The following MCM8 variants were observed in gnomAD, a reference collection of about 807,000 sequenced individuals.
MCM8 encodes the protein minichromosome maintenance 8 homologous recombination repair factor.
Under a neutral mutation model 98.9 loss-of-function variants are expected in MCM8, and 85 were observed. The observed-to-expected ratio is 0.86, with a 90% confidence interval of 0.72 to 1.03. The LOEUF is 1.03. Ranked by LOEUF, MCM8 falls within the 50% of genes least tolerant of loss-of-function variation. The pLI is 0.00. For synonymous variants in MCM8, 352 were observed against 338.6 expected (o/e 1.04, Z -0.44); for missense variants, 951 against 997.8 (o/e 0.95, Z 0.63).
rs1370584263 is a variant in MCM8 at position 5,997,804 on chromosome 20, G to GTTGCCCAA, written c.*3414_*3421dup. On this transcript the variant is annotated 3_prime_UTR_variant, in exon 19 of 19. Coordinates refer to ENST00000610722, the MANE Select transcript of MCM8 (RefSeq NM_032485.6). ...TTTAGTAGAGATGAGGTCTTCCTTT[G>GTTGCCCAA]TTGCCCAAGCTGGTCTCAAACTCCA... The GTTGCCCAA allele has an allele frequency of 2.6e-5, 4 of 152,090 alleles. No homozygotes were observed. Among genetic ancestry groups the GTTGCCCAA allele is most frequent in the Non-Finnish European group, 4.4e-5 (3 of 68,040 alleles). The allele number at this position is 152,090 out of a possible 1,614,324, so 9.4% of individuals were successfully genotyped here.
At chr20:5,975,690 G>GT (rs1750638066) in intron 12 of MCM8, among the ~76,000 whole-genome samples, 1 of 151,444 alleles carries the variant, frequency 6.6e-6, no homozygotes, top group African/African-American at 2.4e-5. Context: ...TAGAGACGGG[G>GT]TTTCACCATG....
At chr20:5,982,097 T>C (rs2089640656) in intron 13 of MCM8, among the ~76,000 whole-genome samples, 1 of 152,140 alleles carries the variant, frequency 6.6e-6, no homozygotes, top group African/African-American at 2.4e-5. Flanking sequence ...GAAGAAAATC[T>C]GTTGAAATAA....
chr20:5,958,596 C>T lies in MCM8; in HGVS notation c.659C>T (p.Ala220Val). 6.2e-7 allele frequency: 1 copy of T among 1,614,108 alleles called. No individual in the cohort carries two copies. The highest frequency in any genetic ancestry group is 1.1e-5 in the South Asian group (1 of 91,078). The change falls in exon 7 of 19, where the codon GCT (alanine) becomes GTT (valine). Residue 220 changes from alanine (A) to valine (V), a missense_variant. Transcript: ENST00000610722. Reference sequence around the variant, plus strand: ...GCAAATTACTATGGAAAATACATTGCTCTAAGAGGGACAGTGGTTCGTGTC... The same window carrying T: ...GCAAATTACTATGGAAAATACATTGTTCTAAGAGGGACAGTGGTTCGTGTC... ...VRANYYGKYI[A>V]LRGTVVRVSN...
At chr20:5,952,300 T>A in intron 2 of MCM8, 124 bp from the exon 3 acceptor site, 4 of 1,553,780 alleles carry the variant, frequency 2.6e-6, no homozygotes, top group Non-Finnish European at 3.5e-6. Context: ...AACATTGATG[T>A]CCCAGATTTT....
intron 12 of MCM8, among the ~76,000 whole-genome samples, chr20:5,976,713 C>A (rs1017735300): frequency 3.9e-5 from 6 of 152,154 alleles, no homozygotes; most frequent in Non-Finnish European, 8.8e-5. Flanking sequence ...CATTCCTGGA[C>A]GTGCTTTGAG....
intron 8 of MCM8, among the ~76,000 whole-genome samples, chr20:5,963,763 C>G (rs1253613776): frequency 6.6e-6 from 1 of 152,066 alleles, no homozygotes; most frequent in Non-Finnish European, 1.5e-5. Flanking sequence ...GTCTTGATTT[C>G]CTGACCTCGT....
In MCM8 at chr20:5,955,247, A is replaced by C. The variant is rs140044814; in HGVS notation, c.482A>C (p.His161Pro). The change falls in exon 5 of 19, where the codon CAT becomes CCT. Residue 161 changes from histidine to proline, a missense_variant. His to Pro is a moderately conservative substitution (Grantham distance 77, BLOSUM62 -2). Transcript: ENST00000610722. The stretch of plus-strand genomic sequence containing the variant: ...TTGGCTTGCATGGGTTTGGCAATAC[A>C]TCAGGTAACTATTTGTCTTATGCAT... ...KTLACMGLAI[H>P]QVLTKDLERH... 1 of 1,612,016 alleles carries C rather than the reference A, an allele frequency of 6.2e-7. No individual in the cohort carries two copies. Among genetic ancestry groups the C allele is most frequent in the Non-Finnish European group, 8.5e-7 (1 of 1,179,440 alleles).
In MCM8 at chr20:5,964,991, A is replaced by G. The variant is rs116477696; in HGVS notation, c.875+1632A>G. 3.2e-3 allele frequency among the ~76,000 whole-genome samples: 486 copies of G among 152,282 alleles called. 2 individuals are homozygous for G. The highest frequency in any genetic ancestry group is 0.016 in the East Asian group (82 of 5,182). ...TCCTTCGCTTTACTGCAGTCATTCT[A>G]TGTGAGCTGAGGACATTAGAAACAT... On this transcript the variant is annotated intron_variant, in intron 8 of 18. Transcript: ENST00000610722.
At position 5,983,178 on chromosome 20, in the gene MCM8, A is replaced by G; in HGVS notation, c.1733+13A>G. Reference sequence around the variant, plus strand: ...CTGAGAATTTAAAGTAAGTCTCTTCAAATATTTATACCTTTAATGTATTGA... The same window carrying G: ...CTGAGAATTTAAAGTAAGTCTCTTCGAATATTTATACCTTTAATGTATTGA... On this transcript the variant is annotated intron_variant, in intron 14 of 18. Transcript: ENST00000610722. The G allele has an allele frequency of 6.3e-7, 1 of 1,596,180 alleles. No individual in the cohort carries two copies. Among genetic ancestry groups the G allele is most frequent in the Non-Finnish European group, 8.6e-7 (1 of 1,166,310 alleles).
chr20:5,959,203 T>C (rs185107060), intron 7 of MCM8, among the ~76,000 whole-genome samples: 71 of 151,898 alleles, frequency 4.7e-4, no homozygotes, highest in South Asian at 1.0e-3. Flanking sequence ...GTGCAGAGAA[T>C]AATGTAATTA....
chr20:5,983,119 GT>G lies in MCM8; in HGVS notation c.1689del (p.Gly564GlufsTer14), dbSNP rs750542131. ...RTSIIAAANP[V>X]GGHYNKAKTV... Reference sequence around the variant, plus strand: ...TTCCATTATTGCTGCTGCAAATCCAGTTGGAGGACATTACAATAAAGCCAAA... The same window carrying G: ...TTCCATTATTGCTGCTGCAAATCCAGTGGAGGACATTACAATAAAGCCAAA... On this transcript the variant is annotated frameshift_variant, in exon 14 of 19. Coordinates refer to ENST00000610722, the MANE Select transcript of MCM8 (RefSeq NM_032485.6). LOFTEE classifies it high-confidence loss of function. 1.9e-6 allele frequency: 3 copies of G among 1,614,024 alleles called. No homozygotes were observed. In the Admixed American group the frequency reaches 5.0e-5, roughly 27 times the overall value.
intron 8 of MCM8, among the ~76,000 whole-genome samples, chr20:5,964,101 T>A (rs2089219808): frequency 7.0e-6 from 1 of 143,610 alleles, no homozygotes; most frequent in Admixed American, 7.2e-5. Flanking sequence ...GGCATTTTAC[T>A]ATAGGGTTTT....
chr20:5,957,612 A>G (rs369140500), intron 6 of MCM8, among the ~76,000 whole-genome samples: 2 of 152,224 alleles, frequency 1.3e-5, no homozygotes, highest in East Asian at 3.8e-4. Context: ...CTGAAAGGAA[A>G]TGTTCATTGG....
intron 13 of MCM8, among the ~76,000 whole-genome samples, 199 bp downstream of exon 13, chr20:5,978,216 G>A (rs1311754951): frequency 6.6e-6 from 1 of 152,192 alleles, no homozygotes; most frequent in Non-Finnish European, 1.5e-5. Flanking sequence ...TGTACTTAAT[G>A]TCATTCATTT....
At chr20:5,955,926 G>A (rs778892340) in intron 5 of MCM8, among the ~76,000 whole-genome samples, 43 of 152,056 alleles carry the variant, frequency 2.8e-4, no homozygotes, top group Non-Finnish European at 3.2e-4. Flanking sequence ...GCACCACCAT[G>A]CCCAGCTAAG....
rs1258498008 is a variant in MCM8 at position 5,972,714 on chromosome 20, C to G, written c.1255-342C>G. The G allele has an allele frequency of 3.8e-6, 5 of 1,299,266 alleles. No individual in the cohort carries two copies. The East Asian group carries it at 2.1e-4, about 55-fold the overall frequency. 80.5% of individuals were successfully genotyped at this position (1,299,266 alleles called of 1,614,324 possible). A position where few individuals can be genotyped will look rare whatever the true frequency, so the allele number is the denominator to read the frequency against. On this transcript the variant is annotated intron_variant, in intron 11 of 18. Coordinates refer to ENST00000610722, the MANE Select transcript of MCM8 (RefSeq NM_032485.6). ...GGACTACAGGCATGCGCCACCAGAC[C>G]CAGCTACTTTTGGTAAGAAATGGGC...
chr20:5,978,562 C>G (rs147243552), intron 13 of MCM8, among the ~76,000 whole-genome samples: 2 of 152,158 alleles, frequency 1.3e-5, no homozygotes, highest in Admixed American at 6.5e-5. Flanking sequence ...GTGTTACTTT[C>G]GATGTTTTTT....
chr20:5,993,938 A>G (rs1006055468), intron 18 of MCM8: 3 of 384,584 alleles, frequency 7.8e-6, no homozygotes, highest in Non-Finnish European at 1.4e-5. Flanking sequence ...TTAAATGGAC[A>G]TGATTATACC....
Position 5,967,996 on chromosome 20 carries a change from T to C in MCM8, c.1194T>C (p.Ala398=). Residue 398 remains alanine, a synonymous_variant, in exon 10 of 19, where the codon GCT becomes GCC. Transcript: ENST00000610722. ...KDLYAIQEIQ[A]EENLFKLIVN... The stretch of plus-strand genomic sequence containing the variant: ...TTTATGCCATCCAAGAGATTCAAGC[T>C]GAAGAAAACCTGTTTAAACTCATTG... 1 of 1,611,442 alleles carries C rather than the reference T, an allele frequency of 6.2e-7. No individual in the cohort carries two copies. Among genetic ancestry groups the C allele is most frequent in the Non-Finnish European group, 8.5e-7 (1 of 1,179,226 alleles).
Sources: allele counts gnomAD v4.1 joint callset (sites outside exome capture counted in the v4.1 genomes callset), GRCh38; gene constraint gnomAD v4.1.1; transcripts MANE v1.5; gene names NCBI Gene and HGNC (gene_info 2026-07-23, HGNC 2026-07-21).